Variants in ZNF783 observed in about 807,000 individuals in gnomAD.
ZNF783 encodes zinc finger protein 783.
ZNF783 carries 25 observed loss-of-function variants against 31.3 expected under a neutral mutation model. The observed-to-expected ratio is 0.80, with a 90% CI of 0.58 to 1.11. ZNF783 has a LOEUF of 1.11. Ranked by LOEUF, ZNF783 falls within the 50% of genes most tolerant of loss-of-function variation. ZNF783 has a pLI of 0.00. For missense variants in ZNF783, 797 were observed against 760.0 expected, an observed-to-expected ratio of 1.05 and a Z score of -0.57; for synonymous variants, 369 against 319.1, an observed-to-expected ratio of 1.16 and a Z score of -1.66.
At chr7:149,263,602 A>G (rs1796995973) in intron 1 of ZNF783, among the ~76,000 whole-genome samples, 1 of 152,092 alleles carries the variant, frequency 6.6e-6, no homozygotes, top group South Asian at 2.1e-4. Context: ...GAAGAATCAC[A>G]TCAGTTTTTT....
chr7:149,267,880 G>A (rs1451231127), intron 4 of ZNF783, among the ~76,000 whole-genome samples: 1 of 152,050 alleles, frequency 6.6e-6, no homozygotes, highest in Admixed American at 6.6e-5. Context: ...CCATGTCCCC[G>A]CTATTGCTTG....
Position 149,282,303 on chromosome 7 carries a change from G to A in ZNF783, c.1601G>A (p.Ser534Asn), listed in dbSNP as rs926396745. 1.8e-5 allele frequency: 28 copies of A among 1,563,460 alleles called. No homozygotes were observed. Among genetic ancestry groups the A allele is most frequent in the Non-Finnish European group, 2.4e-5 (28 of 1,163,068 alleles). ...CCTGCCGCCCCCGCCCGCCACGGGA[G>A]CCTGCCCCTGCCCTGGCCCAGCCGG... ...HFPAAPARHG[S>N]LPLPWPSRKE... Residue 534 changes from serine to asparagine, a missense_variant, in exon 6 of 6, where the codon AGC becomes AAC. Ser to Asn is a conservative substitution (Grantham distance 46). Coordinates refer to ENST00000434415, the MANE Select transcript of ZNF783 (RefSeq NM_001195220.2).
chr7:149,267,287 C>G (rs1234486037), intron 4 of ZNF783, 65 bp downstream of exon 4: 54 of 1,517,956 alleles, frequency 3.6e-5, no homozygotes, highest in Non-Finnish European at 4.5e-5. Context: ...CGCCTACCCT[C>G]TCGGGCTTCC....
rs1390704388 is a variant in ZNF783 at position 149,266,429 on chromosome 7, A to G, written c.119A>G (p.Glu40Gly). The G allele has an allele frequency of 6.2e-7, 1 of 1,604,070 alleles. No individual in the cohort carries two copies. The highest frequency in any genetic ancestry group is 8.5e-7 in the Non-Finnish European group (1 of 1,179,886). The change falls in exon 2 of 6, where the codon GAA (glutamate) becomes GGA (glycine). Residue 40 changes from glutamate (E) to glycine (G), a missense_variant. By Grantham distance (98) the Glu-to-Gly change is moderately conservative. Coordinates refer to ENST00000434415, the MANE Select transcript of ZNF783 (RefSeq NM_001195220.2). ...AEKNSYLYST[E>G]ITLWTVVAAI... is the part of the protein sequence containing the mutation. ...AAGAACTCGTACCTCTACTCCACGG[A>G]AATCACACTGTGGACGGTGGTGGCC...
intron 4 of ZNF783, among the ~76,000 whole-genome samples, chr7:149,272,532 A>G (rs1174344990): frequency 6.6e-6 from 1 of 151,610 alleles, no homozygotes; most frequent in Non-Finnish European, 1.5e-5. Flanking sequence ...TGTAGTTTTA[A>G]TGGCACCTCT....
Position 149,266,480 on chromosome 7 carries a change from T to G in ZNF783, c.170T>G (p.Val57Gly), listed in dbSNP as rs1440549950. 2 of 1,612,088 alleles carry G rather than the reference T, an allele frequency of 1.2e-6. No individual in the cohort carries two copies. Among genetic ancestry groups the G allele is most frequent in the South Asian group, 2.2e-5 (2 of 91,040 alleles). Residue 57 changes from valine to glycine, a missense_variant, in exon 2 of 6, where the codon GTG (valine) becomes GGG (glycine). By Grantham distance (109) the Val-to-Gly change is moderately radical. Coordinates refer to ENST00000434415, the MANE Select transcript of ZNF783 (RefSeq NM_001195220.2). The stretch of plus-strand genomic sequence containing the variant: ...GCCATTCAGGCCTTGGAGAAGAAGG[T>G]GGATTCCTGCCTGACCCGCTTGCTG... ...VAAIQALEKK[V>G]DSCLTRLLTL...
chr7:149,281,156 G>C (rs1405642350), intron 5 of ZNF783, among the ~76,000 whole-genome samples: 1 of 152,146 alleles, frequency 6.6e-6, no homozygotes, highest in Non-Finnish European at 1.5e-5. Flanking sequence ...TTGGGGGTGG[G>C]GTCCTGCCAC....
chr7:149,278,052 G>T (rs1389263094), intron 4 of ZNF783: 1 of 603,854 alleles, frequency 1.7e-6, no homozygotes, highest in Non-Finnish European at 2.3e-6. Context: ...GGAGGAGGAG[G>T]AGGCCCGACT....
intron 1 of ZNF783, among the ~76,000 whole-genome samples, chr7:149,265,043 G>A (rs1027209022): frequency 1.9e-4 from 27 of 145,478 alleles, no homozygotes; most frequent in African/African-American, 4.5e-4. Context: ...GGGCAGGACC[G>A]CAGTGGCCCA....
intron 1 of ZNF783, among the ~76,000 whole-genome samples, chr7:149,265,990 CTG>C (rs35528904): frequency 0.22 from 34,200 of 152,060 alleles, 4,179 homozygotes; most frequent in East Asian, 0.46. Context: ...GAAGAGGAAA[CTG>C]AGACCCAAGA....
At chr7:149,272,816 A>G (rs890976270) in intron 4 of ZNF783, among the ~76,000 whole-genome samples, 3 of 152,146 alleles carry the variant, frequency 2.0e-5, no homozygotes, top group African/African-American at 7.2e-5. Context: ...CTGTTATGCT[A>G]TCACATGCTA....
intron 5 of ZNF783, 127 bp from the exon 6 acceptor site, chr7:149,281,378 G>A (rs969617917): frequency 2.8e-6 from 2 of 718,146 alleles, no homozygotes; most frequent in Non-Finnish European, 4.0e-6. Flanking sequence ...CAGGACCCCT[G>A]CAATGTGCTG....
At chr7:149,264,397 G>A (rs1000911824) in intron 1 of ZNF783, among the ~76,000 whole-genome samples, 1 of 152,140 alleles carries the variant, frequency 6.6e-6, no homozygotes, top group African/African-American at 2.4e-5. Context: ...AGGAGGGCCG[G>A]GTGGGTCCTC....
At chr7:149,262,763 AG>A in intron 1 of ZNF783, among the ~76,000 whole-genome samples, 1 of 152,252 alleles carries the variant, frequency 6.6e-6, no homozygotes, top group Non-Finnish European at 1.5e-5. Context: ...GGACAGGCCC[AG>A]GGTCACGCAT....
At chr7:149,281,389 T>C in intron 5 of ZNF783, 116 bp from the exon 6 acceptor site, 1 of 845,466 alleles carries the variant, frequency 1.2e-6, no homozygotes. Context: ...CAATGTGCTG[T>C]GAGCACTGTG....
chr7:149,279,115 C>T (rs1451060323), intron 5 of ZNF783, among the ~76,000 whole-genome samples: 1 of 152,252 alleles, frequency 6.6e-6, no homozygotes, highest in African/African-American at 2.4e-5. Context: ...GGCTCCTCCA[C>T]CTGGTCCTGC....
chr7:149,263,933 T>C (rs752904534), intron 1 of ZNF783, among the ~76,000 whole-genome samples: 90 of 152,330 alleles, frequency 5.9e-4, no homozygotes, highest in Non-Finnish European at 9.6e-4. Flanking sequence ...TTTATAGTCC[T>C]GTTCCCTGGG....
At position 149,266,857 on chromosome 7, in the gene ZNF783, T is replaced by C. The variant is rs1465894236; in HGVS notation, c.459T>C (p.Ser153=). The C allele has an allele frequency of 6.2e-7, 1 of 1,613,960 alleles. No homozygotes were observed. Among genetic ancestry groups the C allele is most frequent in the African/African-American group, 1.3e-5 (1 of 74,862 alleles). ...TCGATGATGTGGCCGTGTATTTCTC[T>C]GAGCTGGAGTGGGGCAAGCTGGAGG... ...VTFDDVAVYF[S]ELEWGKLEDW... Residue 153 remains serine (S), a synonymous_variant, in exon 3 of 6, where the codon TCT becomes TCC. Transcript: ENST00000434415.
In ZNF783 at chr7:149,284,436, A is replaced by C. The variant is rs1797555259; in HGVS notation, c.*2093A>C. 6.6e-6 allele frequency: 1 copy of C among 152,242 alleles called. No homozygotes were observed. 9.4% of individuals were successfully genotyped at this position (152,242 alleles called of 1,614,324 possible). A position where few individuals can be genotyped will look rare whatever the true frequency, so the allele number is the denominator to read the frequency against. On this transcript the variant is annotated 3_prime_UTR_variant, in exon 6 of 6. Transcript: ENST00000434415. The stretch of plus-strand genomic sequence containing the variant: ...GAGGCACTGCCCTTCTGTGCTGTGG[A>C]TCCTGCTTGTCTGCTCTGGAGTCCC...
Sources: allele counts gnomAD v4.1 joint callset (sites outside exome capture counted in the v4.1 genomes callset), GRCh38; gene constraint gnomAD v4.1.1; transcripts MANE v1.5; gene names NCBI Gene and HGNC (gene_info 2026-07-23, HGNC 2026-07-21).